The following AGBL4 variants were observed in gnomAD, a reference collection of about 807,000 sequenced individuals.
AGBL4 encodes the protein AGBL carboxypeptidase 4.
In AGBL4, 58 loss-of-function variants were observed where a neutral mutation model predicts 66.4. The ratio of observed to expected loss-of-function variants is 0.87; its 90% CI spans 0.71 to 1.09. The LOEUF (loss-of-function observed/expected upper bound fraction) is 1.09, where lower values mean the gene tolerates loss of function less well. Ranked by LOEUF, AGBL4 falls within the 50% of genes least tolerant of loss-of-function variation. AGBL4 has a pLI of 0.00. For missense variants in AGBL4, 579 were observed against 631.0 expected (o/e 0.92, Z 0.88); for synonymous variants, 234 against 222.9 (o/e 1.05, Z -0.44).
intron 5 of AGBL4, among the ~76,000 whole-genome samples, chr1:48,922,581 T>C (rs1175623763): frequency 6.6e-6 from 1 of 152,192 alleles, no homozygotes; most frequent in East Asian, 1.9e-4. Context: ...AGGCTTTGTT[T>C]TATGCCAGGC....
chr1:48,531,501 G>A (rs1643906402), downstream of AGBL4, among the ~76,000 whole-genome samples: 1 of 152,160 alleles, frequency 6.6e-6, no homozygotes, highest in African/African-American at 2.4e-5. Context: ...CACCTGTGGT[G>A]ATGGGGAGTT....
intron 6 of AGBL4, among the ~76,000 whole-genome samples, chr1:48,706,636 G>T (rs1646884431): frequency 6.6e-6 from 1 of 152,160 alleles, no homozygotes; most frequent in South Asian, 2.1e-4. Flanking sequence ...CAGTAGGAAA[G>T]AAGTAGTAAA....
chr1:49,463,560 T>G (rs1646561741), intron 3 of AGBL4, among the ~76,000 whole-genome samples: 1 of 151,728 alleles, frequency 6.6e-6, no homozygotes, highest in Non-Finnish European at 1.5e-5. Flanking sequence ...GGATGTTCCT[T>G]CTCATCTGCT....
At chr1:48,594,978 C>G (rs1342986850) in intron 9 of AGBL4, among the ~76,000 whole-genome samples, 1 of 152,084 alleles carries the variant, frequency 6.6e-6, no homozygotes, top group Non-Finnish European at 1.5e-5. Context: ...AGGACAACAG[C>G]CAGGAGAGTC....
chr1:49,072,827 A>T (rs1418586912), intron 4 of AGBL4, among the ~76,000 whole-genome samples: 3 of 152,186 alleles, frequency 2.0e-5, no homozygotes, highest in Non-Finnish European at 4.4e-5. Context: ...GATAATATCC[A>T]TAAGAGTGTT....
chr1:48,531,281 T>C (rs994384887), downstream of AGBL4, among the ~76,000 whole-genome samples: 3 of 152,142 alleles, frequency 2.0e-5, no homozygotes, highest in Non-Finnish European at 4.4e-5. Flanking sequence ...AGACAGTTCA[T>C]ATCACTGTGT....
At chr1:48,629,854 A>G (rs1056837475) in intron 9 of AGBL4, among the ~76,000 whole-genome samples, 3 of 152,096 alleles carry the variant, frequency 2.0e-5, no homozygotes, top group African/African-American at 7.2e-5. Context: ...ATCAGGGGAT[A>G]CTCTGAGGGA....
intron 5 of AGBL4, among the ~76,000 whole-genome samples, chr1:49,002,086 C>A (rs1661434040): frequency 6.6e-6 from 1 of 152,106 alleles, no homozygotes; most frequent in Non-Finnish European, 1.5e-5. Context: ...CAAAGAAACT[C>A]AAATATTACG....
chr1:49,937,837 A>C (rs1654257899), intron 1 of AGBL4, among the ~76,000 whole-genome samples: 2 of 152,224 alleles, frequency 1.3e-5, no homozygotes, highest in African/African-American at 4.8e-5. Flanking sequence ...ACACATTCAA[A>C]GCAGTGTGTA....
intron 2 of AGBL4, among the ~76,000 whole-genome samples, chr1:49,740,221 G>T (rs1476709492): frequency 6.6e-6 from 1 of 151,430 alleles, no homozygotes; most frequent in Non-Finnish European, 1.5e-5. Context: ...CAAGCAAATG[G>T]AAAACAAAAA....
At chr1:49,161,687 G>A (rs1646544350) in intron 4 of AGBL4, among the ~76,000 whole-genome samples, 1 of 152,076 alleles carries the variant, frequency 6.6e-6, no homozygotes, top group South Asian at 2.1e-4. Flanking sequence ...CCTTTGGTGG[G>A]TCTACTGGCT....
At chr1:49,575,942 G>C (rs1237879404) in intron 3 of AGBL4, among the ~76,000 whole-genome samples, 1 of 152,166 alleles carries the variant, frequency 6.6e-6, no homozygotes, top group Non-Finnish European at 1.5e-5. Flanking sequence ...ATGACATTAT[G>C]CTGACTGGAT....
At chr1:49,683,898 G>A (rs1287432193) in intron 3 of AGBL4, among the ~76,000 whole-genome samples, 1 of 152,174 alleles carries the variant, frequency 6.6e-6, no homozygotes, top group African/African-American at 2.4e-5. Flanking sequence ...TGTTTGGTAG[G>A]CTGCTGGAAA....
intron 11 of AGBL4, among the ~76,000 whole-genome samples, chr1:48,540,427 C>T (rs1184267446): frequency 6.6e-6 from 1 of 152,172 alleles, no homozygotes; most frequent in Non-Finnish European, 1.5e-5. Context: ...TTATAGCTCA[C>T]ATCTCTGGGC....
chr1:48,631,541 C>T (rs1439373991), intron 9 of AGBL4, among the ~76,000 whole-genome samples: 2 of 152,256 alleles, frequency 1.3e-5, no homozygotes, highest in East Asian at 1.9e-4. Context: ...GAGGCATGTG[C>T]CACCACACCT....
At chr1:50,023,392 C>A (rs1203638723) in intron 1 of AGBL4, among the ~76,000 whole-genome samples, 1 of 152,138 alleles carries the variant, frequency 6.6e-6, no homozygotes, top group Non-Finnish European at 1.5e-5. Flanking sequence ...GGGATCTCTC[C>A]CATGCTCCCA....
At chr1:49,730,156 C>A (rs1407391207) in intron 2 of AGBL4, among the ~76,000 whole-genome samples, 1 of 152,150 alleles carries the variant, frequency 6.6e-6, no homozygotes, top group Non-Finnish European at 1.5e-5. Flanking sequence ...GGGCTACCCA[C>A]TTCAGGTCCC....
At chr1:49,236,967 T>C (rs1650803220) in intron 4 of AGBL4, among the ~76,000 whole-genome samples, 1 of 151,914 alleles carries the variant, frequency 6.6e-6, no homozygotes, top group Non-Finnish European at 1.5e-5. Flanking sequence ...GATCTGATGA[T>C]GGTTTTAAAA....
intron 6 of AGBL4, among the ~76,000 whole-genome samples, chr1:48,785,630 T>C (rs1645390750): frequency 6.6e-6 from 1 of 152,024 alleles, no homozygotes; most frequent in Non-Finnish European, 1.5e-5. Context: ...AGAAGAAAAA[T>C]AGTCAAGTTG....
Sources: allele counts gnomAD v4.1 joint callset (sites outside exome capture counted in the v4.1 genomes callset), GRCh38; gene constraint gnomAD v4.1.1; transcripts MANE v1.5; gene names NCBI Gene and HGNC (gene_info 2026-07-23, HGNC 2026-07-21).